CNTNAP5: variants seen among roughly 807,000 people sequenced by gnomAD.
CNTNAP5 encodes contactin-associated protein-like 5.
CNTNAP5 carries 72 observed loss-of-function variants against 150.2 expected under a neutral mutation model. The observed-to-expected ratio is 0.48, with a 90% CI of 0.40 to 0.58. The LOEUF is 0.58. Among genes scored for constraint, CNTNAP5 ranks in the 20% least tolerant of loss-of-function variants. The pLI is 0.00. For missense variants in CNTNAP5, 1,636 were observed against 1,626.2 expected (o/e 1.01, Z -0.10); for synonymous variants, 672 against 619.8 (o/e 1.08, Z -1.25).
At chr2:124,222,578 G>A (rs188828514) in intron 2 of CNTNAP5, among the ~76,000 whole-genome samples, 70 of 152,100 alleles carry the variant, frequency 4.6e-4, no homozygotes, top group African/African-American at 1.6e-3. Context: ...AAGCGTGTAT[G>A]CAATTTAAAG....
At chr2:124,524,944 G>A (rs78577619) in intron 9 of CNTNAP5, among the ~76,000 whole-genome samples, 6 of 152,020 alleles carry the variant, frequency 3.9e-5, no homozygotes, top group African/African-American at 1.2e-4. Context: ...GGCCATGCTC[G>A]CAGAAATCCA....
chr2:124,459,141 G>A (rs1012730605), intron 6 of CNTNAP5, among the ~76,000 whole-genome samples: 1 of 152,200 alleles, frequency 6.6e-6, no homozygotes, highest in African/African-American at 2.4e-5. Context: ...TTATCAAAAA[G>A]GGATTTGATT....
intron 6 of CNTNAP5, among the ~76,000 whole-genome samples, chr2:124,465,006 A>G (rs1370047262): frequency 6.6e-6 from 1 of 152,190 alleles, no homozygotes; most frequent in Non-Finnish European, 1.5e-5. Context: ...TATTCAAGTC[A>G]GATACAAAGT....
intron 8 of CNTNAP5, among the ~76,000 whole-genome samples, chr2:124,515,814 G>A (rs1694701160): frequency 1.3e-5 from 2 of 152,192 alleles, no homozygotes; most frequent in Non-Finnish European, 2.9e-5. Flanking sequence ...TTCTTGTAAG[G>A]ATTTTGGAAA....
chr2:124,527,482 T>C (rs1471121905), intron 10 of CNTNAP5, 26 bp downstream of exon 10: 1 of 1,570,844 alleles, frequency 6.4e-7, no homozygotes, highest in South Asian at 1.2e-5. Context: ...TCTCCTCTGT[T>C]CTGCCACCCC....
chr2:124,407,304 T>C (rs1691597795), intron 3 of CNTNAP5, among the ~76,000 whole-genome samples: 1 of 152,236 alleles, frequency 6.6e-6, no homozygotes. Context: ...AGCAGCTTTA[T>C]AGCTAATAAA....
intron 21 of CNTNAP5, among the ~76,000 whole-genome samples, chr2:124,876,936 A>C (rs1013510826): frequency 6.6e-6 from 1 of 152,152 alleles, no homozygotes. Context: ...ATCAGATGTC[A>C]GTAATCATCC....
chr2:124,073,933 A>AC (rs1199530678), intron 1 of CNTNAP5, among the ~76,000 whole-genome samples: 12 of 152,172 alleles, frequency 7.9e-5, no homozygotes, highest in African/African-American at 2.9e-4. Flanking sequence ...TTTGGAAGCA[A>AC]CCTAAGTGTC....
intron 11 of CNTNAP5, among the ~76,000 whole-genome samples, chr2:124,588,186 T>TTCTG (rs1347660525): frequency 1.1e-5 from 1 of 92,522 alleles, no homozygotes; most frequent in Non-Finnish European, 2.5e-5. Context: ...CCTTCTTTCT[T>TTCTG]TCTTTCTTTC....
At chr2:124,861,443 C>T (rs1428731680) in intron 19 of CNTNAP5, among the ~76,000 whole-genome samples, 2 of 151,758 alleles carry the variant, frequency 1.3e-5, no homozygotes, top group Non-Finnish European at 2.9e-5. Flanking sequence ...AAATAAATAG[C>T]TGGGTGTAGT....
intron 3 of CNTNAP5, among the ~76,000 whole-genome samples, chr2:124,378,785 G>A (rs1690717989): frequency 1.3e-5 from 2 of 152,084 alleles, no homozygotes; most frequent in South Asian, 2.1e-4. Context: ...CTCGTATCGA[G>A]GTATTGCTGA....
At position 124,917,802 on chromosome 2, in the gene CNTNAP5, C is replaced by A. The variant is rs1203434016; in HGVS notation, c.*3514C>A. ...CTTGGGGAGCTCAAAGTCTAGCTGG[C>A]AAGGCATGTATTGTTGCAACAGGGC... On this transcript the variant is annotated 3_prime_UTR_variant, in exon 24 of 24. Transcript: ENST00000682447. Among the ~76,000 whole-genome samples the A allele has an allele frequency of 6.6e-6, 1 of 152,008 alleles. No individual in the cohort carries two copies. The highest frequency in any genetic ancestry group is 2.4e-5 in the African/African-American group (1 of 41,416).
intron 1 of CNTNAP5, among the ~76,000 whole-genome samples, chr2:124,172,577 A>AT (rs1045355752): frequency 4.6e-5 from 7 of 151,916 alleles, no homozygotes; most frequent in Admixed American, 6.6e-5. Context: ...CATGCCCAGC[A>AT]TTTTTTTAGT....
intron 15 of CNTNAP5, 25 bp from the exon 16 acceptor site, chr2:124,763,952 T>C: frequency 1.9e-6 from 3 of 1,606,770 alleles, no homozygotes; most frequent in Non-Finnish European, 2.6e-6. Flanking sequence ...CGATAAACCA[T>C]GTTGAAGGAT....
intron 3 of CNTNAP5, among the ~76,000 whole-genome samples, chr2:124,358,440 G>A (rs368259725): frequency 6.6e-6 from 1 of 152,122 alleles, no homozygotes; most frequent in African/African-American, 2.4e-5. Flanking sequence ...GGCTGTGGGT[G>A]TGTCATAGAT....
intron 3 of CNTNAP5, among the ~76,000 whole-genome samples, chr2:124,367,186 G>T (rs1690396856): frequency 6.6e-6 from 1 of 152,170 alleles, no homozygotes; most frequent in Admixed American, 6.5e-5. Context: ...CATTTGAAAT[G>T]GTAAAAACAG....
chr2:124,640,609 T>A (rs1678070594), intron 12 of CNTNAP5, among the ~76,000 whole-genome samples: 1 of 152,126 alleles, frequency 6.6e-6, no homozygotes, highest in African/African-American at 2.4e-5. Context: ...TCCTGGGGGA[T>A]TTCTGAAGCC....
In CNTNAP5 at chr2:124,248,577, C is replaced by T. The variant is rs116091626; in HGVS notation, c.381+6184C>T. 2.3e-3 allele frequency among the ~76,000 whole-genome samples: 351 copies of T among 152,358 alleles called. 1 individual carries two copies. The highest frequency in any genetic ancestry group is 8.2e-3 in the African/African-American group (340 of 41,594). ...CACCCCAGCTTCAGCAGGCTCCCTC[C>T]AGCCCTCTGGCTCCACATTTAGCCC... On this transcript the variant is annotated intron_variant, in intron 3 of 23. Coordinates refer to ENST00000682447, the MANE Select transcript of CNTNAP5 (RefSeq NM_001367498.1).
At chr2:124,581,625 A>G (rs1269384647) in intron 11 of CNTNAP5, among the ~76,000 whole-genome samples, 1 of 152,166 alleles carries the variant, frequency 6.6e-6, no homozygotes, top group African/African-American at 2.4e-5. Context: ...AGTTTTCAGG[A>G]AGCTGAAATG....
Sources: allele counts gnomAD v4.1 joint callset (sites outside exome capture counted in the v4.1 genomes callset), GRCh38; gene constraint gnomAD v4.1.1; transcripts MANE v1.5; gene names NCBI Gene and HGNC (gene_info 2026-07-23, HGNC 2026-07-21).